LNX1: variants seen among roughly 807,000 people sequenced by gnomAD.
The protein encoded by LNX1 is ligand of numb-protein X 1.
A neutral mutation model predicts 68.4 loss-of-function variants in LNX1; 54 were observed. The observed-to-expected ratio is 0.79, with a 90% confidence interval of 0.63 to 0.99. LNX1 has a LOEUF of 0.99. LNX1 is among the 50% of genes least tolerant of loss of function. The pLI is 0.00. For missense variants in LNX1, 906 were observed against 926.4 expected, an observed-to-expected ratio of 0.98 and a Z score of 0.29; for synonymous variants, 336 against 350.0, an observed-to-expected ratio of 0.96 and a Z score of 0.45.
chr4:53,611,040 G>C (rs1406434545), intron 2 of LNX1, among the ~76,000 whole-genome samples: 1 of 151,874 alleles, frequency 6.6e-6, no homozygotes, highest in East Asian at 1.9e-4. Flanking sequence ...AATAAACATT[G>C]GGGAAAAAAG....
In LNX1 at chr4:53,459,961, T is replaced by G. The variant is rs1386278033; in HGVS notation, c.*946A>C. On this transcript the variant is annotated 3_prime_UTR_variant, in exon 11 of 11. Transcript: ENST00000263925. ...ACAACTTTTTGATGGCTTTTCAATA[T>G]TCTAAATTTGGGTTCCTGGTGAAAC... is the stretch of plus-strand genomic sequence containing the variant. 6.5e-5 allele frequency: 14 copies of G among 215,012 alleles called. No homozygotes were observed. The highest frequency in any genetic ancestry group is 1.0e-4 in the Non-Finnish European group (11 of 106,666). 13.3% of individuals were successfully genotyped at this position (215,012 alleles called of 1,614,324 possible).
At chr4:53,576,338 AG>A in intron 1 of LNX1, 1 of 1,608,984 alleles carries the variant, frequency 6.2e-7, no homozygotes, top group South Asian at 1.1e-5. Context: ...CTGGTCCTAA[AG>A]GAGATGGCAG....
At chr4:53,527,724 A>G (rs1396979926) in intron 2 of LNX1, among the ~76,000 whole-genome samples, 3 of 152,146 alleles carry the variant, frequency 2.0e-5, no homozygotes, top group South Asian at 2.1e-4. Flanking sequence ...CATCCAAATT[A>G]CAGGGTGGAG....
At chr4:53,475,575 TCTCA>T (rs1723510776) in intron 9 of LNX1, among the ~76,000 whole-genome samples, 2 of 152,326 alleles carry the variant, frequency 1.3e-5, no homozygotes, top group African/African-American at 2.4e-5. Flanking sequence ...AAACTAAACG[TCTCA>T]CTTTCATTTT....
chr4:53,609,210 C>A (rs60255253), intron 2 of LNX1, among the ~76,000 whole-genome samples: 19,951 of 151,844 alleles, frequency 0.13, 1,449 homozygotes, highest in East Asian at 0.28. Flanking sequence ...GTATACAAAA[C>A]CCCTGTGACA....
intron 9 of LNX1, among the ~76,000 whole-genome samples, chr4:53,470,609 A>G (rs1318950587): frequency 1.3e-5 from 2 of 152,202 alleles, no homozygotes; most frequent in East Asian, 1.9e-4. Context: ...TCAGCCCAAA[A>G]TCTCCTTAAG....
At chr4:53,648,953 A>C (rs115948594) in intron 1 of LNX1, among the ~76,000 whole-genome samples, 510 of 152,314 alleles carry the variant, frequency 3.3e-3, no homozygotes, top group African/African-American at 0.012. Context: ...ATGGTGAATG[A>C]AAAACCAATA....
intron 6 of LNX1, among the ~76,000 whole-genome samples, chr4:53,493,266 C>T (rs113035999): frequency 5.9e-5 from 9 of 152,284 alleles, no homozygotes; most frequent in Admixed American, 3.9e-4. Flanking sequence ...CACACCCAGC[C>T]AGAAAATGCC....
chr4:53,624,139 A>T (rs1417046438), intron 1 of LNX1, among the ~76,000 whole-genome samples: 1 of 152,070 alleles, frequency 6.6e-6, no homozygotes, highest in Non-Finnish European at 1.5e-5. Flanking sequence ...ACCTACATGC[A>T]TAGGCTTTCT....
intron 2 of LNX1, among the ~76,000 whole-genome samples, chr4:53,517,066 G>A (rs904523345): frequency 3.2e-4 from 49 of 152,102 alleles, no homozygotes; most frequent in African/African-American, 1.1e-3. Flanking sequence ...TTTCTTGCTC[G>A]CCACTGAATC....
intron 6 of LNX1, among the ~76,000 whole-genome samples, chr4:53,485,166 G>C (rs1724201141): frequency 6.6e-6 from 1 of 152,110 alleles, no homozygotes; most frequent in Non-Finnish European, 1.5e-5. Flanking sequence ...GATTATCTTT[G>C]GGAACTCTCT....
At chr4:53,545,898 C>T (rs1442071419) in intron 2 of LNX1, among the ~76,000 whole-genome samples, 21 of 150,474 alleles carry the variant, frequency 1.4e-4, no homozygotes, top group Admixed American at 4.7e-4. Context: ...ACCTCTGCCT[C>T]GCAGGTTCAA....
chr4:53,582,977 T>C (rs1377714533), intron 1 of LNX1, among the ~76,000 whole-genome samples: 1 of 152,206 alleles, frequency 6.6e-6, no homozygotes, highest in East Asian at 1.9e-4. Context: ...TCTGCCTAAC[T>C]ACTGCCCTGG....
At chr4:53,595,601 G>C (rs1265523537), upstream of LNX1, among the ~76,000 whole-genome samples, 1 of 152,190 alleles carries the variant, frequency 6.6e-6, no homozygotes, top group Non-Finnish European at 1.5e-5. Flanking sequence ...TGGATAGGCA[G>C]GTGGAAAACA....
chr4:53,620,914 C>CA (rs1375796403), upstream of LNX1, among the ~76,000 whole-genome samples: 1 of 152,030 alleles, frequency 6.6e-6, no homozygotes, highest in Non-Finnish European at 1.5e-5. Context: ...TTTGAGCTTC[C>CA]AATAAACTTA....
intron 6 of LNX1, among the ~76,000 whole-genome samples, chr4:53,491,343 A>G (rs1002812452): frequency 1.3e-5 from 2 of 151,896 alleles, no homozygotes; most frequent in African/African-American, 4.8e-5. Context: ...TCCCTTTTCC[A>G]TGTGTGAAGG....
intron 1 of LNX1, chr4:53,652,055 G>GAGAGAGAGAA (rs1735127551): frequency 7.3e-6 from 1 of 136,766 alleles, no homozygotes; most frequent in African/African-American, 3.2e-5. Context: ...GAGAGAGAGA[G>GAGAGAGAGAA]AGAGAGACAG....
rs7673040 is a variant in LNX1, at chr4:53,650,357, G to T, written c.-215+1811C>A. Among the ~76,000 whole-genome samples, 102 of 152,322 alleles carry T rather than the reference G, an allele frequency of 6.7e-4. 1 individual carries two copies. The East Asian group carries it at 0.011, about 16-fold the overall frequency. ...AACAAAGTGTCAGGGCCTAAGCAGG[G>T]TGCGGAGGGCATCTGCATGGGCAGG... On this transcript the variant is annotated intron_variant, in intron 1 of 2. Transcript: ENST00000507168.
At chr4:53,583,642 T>C (rs536870776) in intron 1 of LNX1, among the ~76,000 whole-genome samples, 2 of 152,208 alleles carry the variant, frequency 1.3e-5, no homozygotes, top group Non-Finnish European at 2.9e-5. Flanking sequence ...GACCATGTAA[T>C]ACATCTGGAG....
Sources: gnomAD v4.1 joint callset for allele counts (sites outside exome capture counted in the v4.1 genomes callset) on GRCh38, gnomAD v4.1.1 for gene constraint, MANE v1.5 for transcripts, NCBI Gene and HGNC (gene_info 2026-07-23, HGNC 2026-07-21) for gene names.